Variants in LRBA observed in about 807,000 individuals in gnomAD.
LRBA encodes LPS responsive beige-like anchor protein.
A neutral mutation model predicts 330.0 loss-of-function variants in LRBA; 176 were observed. The ratio of observed to expected loss-of-function variants is 0.53; its 90% CI spans 0.47 to 0.60. The LOEUF is 0.60. Ranked by LOEUF, LRBA falls within the 20% of genes least tolerant of loss-of-function variation. The pLI, the probability that LRBA is intolerant of heterozygous loss-of-function variation, is 0.00. For synonymous variants in LRBA, 1,230 were observed against 1,193.0 expected, an observed-to-expected ratio of 1.03 and a Z score of -0.64; for missense variants, 3,259 against 3,444.8, an observed-to-expected ratio of 0.95 and a Z score of 1.35.
At chr4:150,550,133 T>C (rs1766399198) in intron 40 of LRBA, among the ~76,000 whole-genome samples, 1 of 152,202 alleles carries the variant, frequency 6.6e-6, no homozygotes, top group Admixed American at 6.6e-5. Flanking sequence ...TAGTAGGGCA[T>C]TAAAAATATG....
intron 44 of LRBA, among the ~76,000 whole-genome samples, chr4:150,446,455 A>AT (rs1201544516): frequency 6.6e-6 from 1 of 152,218 alleles, no homozygotes; most frequent in African/African-American, 2.4e-5. Context: ...TGGGTCATAC[A>AT]TAAGAGCTGG....
intron 37 of LRBA, among the ~76,000 whole-genome samples, chr4:150,677,372 A>G (rs1282626516): frequency 6.6e-6 from 1 of 152,256 alleles, no homozygotes; most frequent in African/African-American, 2.4e-5. Flanking sequence ...CTTGCAGGAT[A>G]TTCCAAAAAT....
chr4:150,286,422 C>T (rs1191695974), intron 53 of LRBA, among the ~76,000 whole-genome samples: 1 of 152,122 alleles, frequency 6.6e-6, no homozygotes, highest in Non-Finnish European at 1.5e-5. Context: ...TTCCTCCTTC[C>T]TCATCCTTTG....
intron 2 of LRBA, among the ~76,000 whole-genome samples, chr4:150,974,377 T>C (rs897029081): frequency 8.5e-5 from 13 of 152,152 alleles, no homozygotes; most frequent in African/African-American, 3.1e-4. Flanking sequence ...CTAAACTGCA[T>C]GGGCATTGGG....
chr4:150,791,216 C>T (rs753030266), intron 34 of LRBA, among the ~76,000 whole-genome samples: 8 of 152,042 alleles, frequency 5.3e-5, no homozygotes, highest in Non-Finnish European at 1.2e-4. Flanking sequence ...GCCCCAGTAG[C>T]GGGGATTACA....
intron 52 of LRBA, among the ~76,000 whole-genome samples, chr4:150,308,717 T>C (rs1730674954): frequency 6.6e-6 from 1 of 152,182 alleles, no homozygotes; most frequent in South Asian, 2.1e-4. Context: ...CTAACTTATA[T>C]GTTTTTGTCT....
At chr4:150,570,696 A>G (rs189307166) in intron 40 of LRBA, among the ~76,000 whole-genome samples, 4 of 152,230 alleles carry the variant, frequency 2.6e-5, no homozygotes, top group Non-Finnish European at 5.9e-5. Flanking sequence ...CTTCTTTTTA[A>G]AACTTTCTCA....
chr4:150,484,041 C>T (rs1389150020), intron 42 of LRBA, among the ~76,000 whole-genome samples: 2 of 151,914 alleles, frequency 1.3e-5, no homozygotes, highest in African/African-American at 4.8e-5. Flanking sequence ...TTTTTTTCCT[C>T]ATAGATTCCC....
chr4:150,908,504 T>A (rs1379524451), intron 10 of LRBA, 37 bp from the exon 11 acceptor site: 1 of 1,559,200 alleles, frequency 6.4e-7, no homozygotes, highest in African/African-American at 1.4e-5. Context: ...AGTTCAATGA[T>A]TTTTTTTCCA....
At chr4:150,287,451 G>C (rs978582671) in intron 53 of LRBA, among the ~76,000 whole-genome samples, 1 of 152,220 alleles carries the variant, frequency 6.6e-6, no homozygotes, top group African/African-American at 2.4e-5. Flanking sequence ...AAAGGTGAGA[G>C]GCTTCTACCC....
chr4:150,466,514 T>G (rs1050771410), intron 44 of LRBA, among the ~76,000 whole-genome samples: 1 of 152,066 alleles, frequency 6.6e-6, no homozygotes, highest in Non-Finnish European at 1.5e-5. Context: ...GAAATGACTA[T>G]GTATACCCTT....
intron 17 of LRBA, among the ~76,000 whole-genome samples, chr4:150,876,800 A>C (rs927150053): frequency 2.0e-5 from 3 of 152,192 alleles, no homozygotes; most frequent in African/African-American, 2.4e-5. Context: ...AACCACACAA[A>C]AGAAATTACA....
At chr4:150,626,519 T>A (rs1057457421) in intron 37 of LRBA, among the ~76,000 whole-genome samples, 2 of 152,136 alleles carry the variant, frequency 1.3e-5, no homozygotes, top group Non-Finnish European at 2.9e-5. Context: ...ACATTTTCAG[T>A]ATCACATACC....
At chr4:150,629,722 C>A (rs1221790762) in intron 37 of LRBA, among the ~76,000 whole-genome samples, 1 of 152,044 alleles carries the variant, frequency 6.6e-6, no homozygotes, top group Non-Finnish European at 1.5e-5. Context: ...GTAATCCCAG[C>A]ACTTTGGGAG....
At chr4:150,472,042 TATAAAA>T (rs1482301253) in intron 42 of LRBA, among the ~76,000 whole-genome samples, 1 of 152,076 alleles carries the variant, frequency 6.6e-6, no homozygotes, top group African/African-American at 2.4e-5. Flanking sequence ...GCTTTAATGA[TATAAAA>T]AGAAGAAATT....
intron 34 of LRBA, among the ~76,000 whole-genome samples, chr4:150,794,227 AG>A (rs1012125882): frequency 6.6e-6 from 1 of 152,182 alleles, no homozygotes; most frequent in African/African-American, 2.4e-5. Context: ...AATGAGGTTC[AG>A]GCATTAAGAG....
intron 37 of LRBA, among the ~76,000 whole-genome samples, chr4:150,607,019 T>A (rs1302524725): frequency 6.6e-6 from 1 of 152,122 alleles, no homozygotes; most frequent in Non-Finnish European, 1.5e-5. Context: ...AAAGGCACTA[T>A]AAGCCAAGAA....
intron 35 of LRBA, among the ~76,000 whole-genome samples, chr4:150,736,484 G>T (rs1206508702): frequency 1.3e-5 from 2 of 151,852 alleles, no homozygotes; most frequent in East Asian, 3.9e-4. Flanking sequence ...AGATTTACTG[G>T]GTTATTAAGC....
At chr4:150,746,613 T>C (rs1732769198) in intron 35 of LRBA, among the ~76,000 whole-genome samples, 1 of 150,932 alleles carries the variant, frequency 6.6e-6, no homozygotes, top group Admixed American at 6.6e-5. Flanking sequence ...CTGGTTCAAG[T>C]GATTCTCCTG....
Sources: allele counts gnomAD v4.1 joint callset (sites outside exome capture counted in the v4.1 genomes callset), GRCh38; gene constraint gnomAD v4.1.1; transcripts MANE v1.5; gene names NCBI Gene and HGNC (gene_info 2026-07-23, HGNC 2026-07-21).